Variants in CCDC85C observed in about 807,000 individuals in gnomAD.
CCDC85C encodes coiled-coil domain containing 85C.
A neutral mutation model predicts 38.3 loss-of-function variants in CCDC85C; 18 were observed. The ratio of observed to expected loss-of-function variants is 0.47; its 90% CI spans 0.33 to 0.70. The LOEUF (loss-of-function observed/expected upper bound fraction) is 0.70. CCDC85C is among the 30% of genes least tolerant of loss of function. The pLI, the probability that CCDC85C is intolerant of heterozygous loss-of-function variation, is 0.03. For synonymous variants in CCDC85C, 264 were observed against 293.8 expected (o/e 0.90, Z 1.04); for missense variants, 566 against 621.2 (o/e 0.91, Z 0.94).
Position 99,502,608 on chromosome 14 carries a change from T to C in CCDC85C, c.*12638A>G. ...CAACGAAGATGGGGTGAGTTGTAAA[T>C]GTGATTCATGCTTAGGTCCTCGTAG... On this transcript the variant is annotated 3_prime_UTR_variant, in exon 6 of 6. Coordinates refer to ENST00000380243, the MANE Select transcript of CCDC85C (RefSeq NM_001144995.2). 1 of 1,238,722 alleles carries C rather than the reference T, an allele frequency of 8.1e-7. No individual in the cohort carries two copies. Among genetic ancestry groups the C allele is most frequent in the Non-Finnish European group, 1.1e-6 (1 of 881,882 alleles). 76.7% of individuals were successfully genotyped at this position (1,238,722 alleles called of 1,614,324 possible). A position where few individuals can be genotyped will look rare whatever the true frequency, so the allele number is the denominator to read the frequency against.
Position 99,500,650 on chromosome 14 carries a change from C to T in CCDC85C, c.*14596G>A. ...GAGTGGGAGAGAAAGGAAGGAAAGG[C>T]AGTTGCTAAAATATAACTTGAAGAG... On this transcript the variant is annotated 3_prime_UTR_variant, in exon 6 of 6. Transcript: ENST00000380243. The T allele has an allele frequency of 1.4e-6, 1 of 708,570 alleles. No individual in the cohort carries two copies. The highest frequency in any genetic ancestry group is 2.5e-6 in the Non-Finnish European group (1 of 398,760). 43.9% of individuals were successfully genotyped at this position (708,570 alleles called of 1,614,324 possible). A position where few individuals can be genotyped will look rare whatever the true frequency, so the allele number is the denominator to read the frequency against.
At chr14:99,579,458 C>T (rs972293027) in intron 1 of CCDC85C, among the ~76,000 whole-genome samples, 5 of 152,166 alleles carry the variant, frequency 3.3e-5, no homozygotes, top group African/African-American at 1.2e-4. Context: ...TGGCAGGGGC[C>T]TGGGGTTGGG....
chr14:99,556,762 A>G (rs1898017903), intron 1 of CCDC85C, among the ~76,000 whole-genome samples: 1 of 152,176 alleles, frequency 6.6e-6, no homozygotes, highest in Admixed American at 6.5e-5. Context: ...CCTGGGTTCA[A>G]GCAATCCGCC....
chr14:99,503,801 T>C lies in CCDC85C; in HGVS notation c.*11445A>G, dbSNP rs1896903333. ...TCCATCAGCATTGTCTTTCTGTTCA[T>C]CACCTGATCATAGATTCTAAAATTG... On this transcript the variant is annotated 3_prime_UTR_variant, in exon 6 of 6. Coordinates refer to ENST00000380243, the MANE Select transcript of CCDC85C (RefSeq NM_001144995.2). 6 of 623,792 alleles carry C rather than the reference T, an allele frequency of 9.6e-6. No homozygotes were observed. Among genetic ancestry groups the C allele is most frequent in the Non-Finnish European group, 1.7e-5 (6 of 354,236 alleles). The allele number at this position is 623,792 out of a possible 1,614,324, so 38.6% of individuals were successfully genotyped here. A position where few individuals can be genotyped will look rare whatever the true frequency, so the allele number is the denominator to read the frequency against.
chr14:99,534,149 A>C (rs1301788125), intron 2 of CCDC85C, among the ~76,000 whole-genome samples: 3 of 152,118 alleles, frequency 2.0e-5, no homozygotes, highest in African/African-American at 7.2e-5. Flanking sequence ...TGAGGTCGGG[A>C]GTTCGAGACC....
At chr14:99,555,019 G>A (rs1897983755) in intron 1 of CCDC85C, among the ~76,000 whole-genome samples, 1 of 152,254 alleles carries the variant, frequency 6.6e-6, no homozygotes, top group Non-Finnish European at 1.5e-5. Context: ...GTATGAGCAA[G>A]AACAGACTTG....
chr14:99,563,076 A>G (rs1205304971), intron 1 of CCDC85C, among the ~76,000 whole-genome samples: 2 of 152,224 alleles, frequency 1.3e-5, no homozygotes, highest in East Asian at 1.9e-4. Flanking sequence ...GCATCTTAGC[A>G]GAGTAATAAA....
chr14:99,572,399 C>T lies in CCDC85C; in HGVS notation c.793+30768G>A, dbSNP rs536106324. Among the ~76,000 whole-genome samples the T allele has an allele frequency of 1.2e-4, 18 of 152,298 alleles. 1 individual carries two copies. The highest frequency in any genetic ancestry group is 3.4e-4 in the African/African-American group (14 of 41,562). On this transcript the variant is annotated intron_variant, in intron 1 of 5. Transcript: ENST00000380243. The surrounding 1 kb of genome is among the most constrained non-coding windows in gnomAD (Gnocchi z 4.4). ...CGCTGCGGGCTAGTGTCTCAGCCTG[C>T]AATCCCGGCTCCCACCCCCACCCCA...
chr14:99,534,391 A>G (rs1897552428), intron 2 of CCDC85C, among the ~76,000 whole-genome samples: 1 of 151,940 alleles, frequency 6.6e-6, no homozygotes, highest in Non-Finnish European at 1.5e-5. Context: ...CACTGCAAAC[A>G]GCATCCCAAA....
chr14:99,574,012 C>T (rs1207568691), intron 1 of CCDC85C, among the ~76,000 whole-genome samples: 1 of 152,206 alleles, frequency 6.6e-6, no homozygotes, highest in Non-Finnish European at 1.5e-5. Context: ...TCATGAGCTG[C>T]CATTTGGAAC....
intron 1 of CCDC85C, among the ~76,000 whole-genome samples, chr14:99,568,987 G>A (rs879810207): frequency 3.0e-4 from 45 of 152,108 alleles, no homozygotes; most frequent in African/African-American, 9.2e-4. Context: ...GAGGGCTGGC[G>A]CCTGGCACAG....
rs1043423281 is a variant in CCDC85C at position 99,533,940 on chromosome 14, G to T, written c.867+2075C>A. On this transcript the variant is annotated intron_variant, in intron 2 of 5. Transcript: ENST00000380243. This position sits in a 1 kb window ranked among gnomAD's most constrained non-coding sequence, Gnocchi z 4.2. Reference sequence around the variant, plus strand: ...CAAGTCCGTGGTCAGGAACTGGGGTGTATTTTTCCAGTGGGACACTGTGGC... The same window carrying T: ...CAAGTCCGTGGTCAGGAACTGGGGTTTATTTTTCCAGTGGGACACTGTGGC... Among the ~76,000 whole-genome samples the T allele has an allele frequency of 6.6e-6, 1 of 152,250 alleles. No homozygotes were observed. The highest frequency in any genetic ancestry group is 2.4e-5 in the African/African-American group (1 of 41,472).
intron 1 of CCDC85C, among the ~76,000 whole-genome samples, chr14:99,578,085 A>T (rs1200038498): frequency 7.3e-6 from 1 of 137,678 alleles, no homozygotes; most frequent in Non-Finnish European, 1.5e-5. Flanking sequence ...ACACCCATAC[A>T]GCCCGTCCTG....
In CCDC85C at chr14:99,544,189, C is replaced by A. The variant is rs111700312; in HGVS notation, c.794-8101G>T. ...CCTGAGACTCAGCGATGTTAGGCAG[C>A]AAGGCCAAGGTCACCCGGCGGGAAC... On this transcript the variant is annotated intron_variant, in intron 1 of 5. Transcript: ENST00000380243. The surrounding 1 kb of genome is among the most constrained non-coding windows in gnomAD (Gnocchi z 5.3). Among the ~76,000 whole-genome samples the A allele has an allele frequency of 0.019, 2,888 of 152,282 alleles. 98 individuals carry two copies. Among genetic ancestry groups the A allele is most frequent in the African/African-American group, 0.067 (2,764 of 41,548 alleles).
At chr14:99,554,639 G>A (rs1252955571) in intron 1 of CCDC85C, among the ~76,000 whole-genome samples, 1 of 152,122 alleles carries the variant, frequency 6.6e-6, no homozygotes, top group East Asian at 1.9e-4. Flanking sequence ...GTCTGACCTG[G>A]TCCCCACCCA....
intron 3 of CCDC85C, among the ~76,000 whole-genome samples, chr14:99,521,010 T>C (rs1253517286): frequency 6.6e-6 from 1 of 152,244 alleles, no homozygotes; most frequent in East Asian, 1.9e-4. Flanking sequence ...CTGGCGGGCC[T>C]GGTACATGTG....
At chr14:99,528,814 GAAC>G (rs1264258485) in intron 2 of CCDC85C, among the ~76,000 whole-genome samples, 1 of 151,812 alleles carries the variant, frequency 6.6e-6, no homozygotes, top group Non-Finnish European at 1.5e-5. Context: ...TTGTAGGGGG[GAAC>G]AACACACACT....
chr14:99,579,892 C>T lies in CCDC85C; in HGVS notation c.793+23275G>A, dbSNP rs112589882. ...GGTCGTTAGGCTGTCTACCAGAGGT[C>T]GCCCAAGGCCAGGCCACCCTGCCCA... On this transcript the variant is annotated intron_variant, in intron 1 of 5. Coordinates refer to ENST00000380243, the MANE Select transcript of CCDC85C (RefSeq NM_001144995.2). The T allele has an allele frequency of 6.8e-3, 2,285 of 336,228 alleles. 52 individuals are homozygous for T. Among genetic ancestry groups the T allele is most frequent in the African/African-American group, 0.046 (2,108 of 45,490 alleles). The allele number at this position is 336,228 out of a possible 1,614,324, so 20.8% of individuals were successfully genotyped here. A position where few individuals can be genotyped will look rare whatever the true frequency, so the allele number is the denominator to read the frequency against.
Position 99,510,943 on chromosome 14 carries a change from C to T in CCDC85C, c.*4303G>A. On this transcript the variant is annotated 3_prime_UTR_variant, in exon 6 of 6. Coordinates refer to ENST00000380243, the MANE Select transcript of CCDC85C (RefSeq NM_001144995.2). ...TGGGATAAAATCAGAGTGGTCCTCA[C>T]ACCTAGAGGACGGGGACAACCAGCT... 1 of 552,986 alleles carries T rather than the reference C, an allele frequency of 1.8e-6. No homozygotes were observed. Among genetic ancestry groups the T allele is most frequent in the Non-Finnish European group, 2.8e-6 (1 of 358,996 alleles). 34.3% of individuals were successfully genotyped at this position (552,986 alleles called of 1,614,324 possible).
Sources: gnomAD v4.1 joint callset for allele counts (sites outside exome capture counted in the v4.1 genomes callset) on GRCh38, gnomAD v4.1.1 for gene constraint, Gnocchi (gnomAD v3.1) non-coding constraint, MANE v1.5 for transcripts, NCBI Gene and HGNC (gene_info 2026-07-23, HGNC 2026-07-21) for gene names.